The following VPS8 variants were observed in gnomAD, a reference collection of about 807,000 sequenced individuals.
VPS8 encodes vacuolar protein sorting-associated protein 8 homolog.
In VPS8, 129 loss-of-function variants were observed where a neutral mutation model predicts 216.4. The ratio of observed to expected loss-of-function variants is 0.60; its 90% CI spans 0.52 to 0.69. The LOEUF (loss-of-function observed/expected upper bound fraction) is 0.69. Among genes scored for constraint, VPS8 ranks in the 30% least tolerant of loss-of-function variants. The pLI is 0.00. For missense variants in VPS8, 1,531 were observed against 1,683.5 expected (o/e 0.91, Z 1.59); for synonymous variants, 571 against 565.4 (o/e 1.01, Z -0.14).
intron 24 of VPS8, among the ~76,000 whole-genome samples, chr3:184,900,270 G>T (rs983284393): frequency 6.6e-6 from 1 of 152,168 alleles, no homozygotes; most frequent in South Asian, 2.1e-4. Flanking sequence ...ATTCACATAC[G>T]TGCAGGAACA....
intron 21 of VPS8, among the ~76,000 whole-genome samples, chr3:184,872,702 A>T (rs1026521729): frequency 6.6e-6 from 1 of 152,124 alleles, no homozygotes; most frequent in Non-Finnish European, 1.5e-5. Flanking sequence ...TGAGAGAAAA[A>T]TTATCACTTT....
chr3:184,849,342 G>C, intron 9 of VPS8, 147 bp downstream of exon 9: 1 of 976,746 alleles, frequency 1.0e-6, no homozygotes, highest in African/African-American at 1.7e-5. Flanking sequence ...TCTGAGTTTT[G>C]TCTTGTTCAA....
intron 36 of VPS8, among the ~76,000 whole-genome samples, chr3:184,945,151 CTCTT>C (rs1231876926): frequency 2.0e-5 from 3 of 151,704 alleles, no homozygotes; most frequent in Non-Finnish European, 4.4e-5. Flanking sequence ...GCTCCTCTCT[CTCTT>C]TCTCTCTCTC....
intron 31 of VPS8, among the ~76,000 whole-genome samples, chr3:184,927,928 G>A (rs1185716120): frequency 2.6e-5 from 4 of 152,160 alleles, no homozygotes; most frequent in African/African-American, 7.2e-5. Context: ...ACAGTATTCC[G>A]TTGTATGCAT....
At chr3:184,894,566 CTG>C (rs1733028863) in intron 22 of VPS8, 135 bp from the exon 23 acceptor site, 4 of 571,270 alleles carry the variant, frequency 7.0e-6, no homozygotes, top group South Asian at 6.4e-5. Flanking sequence ...GTATAAAACT[CTG>C]TGAATATTAT....
At chr3:185,038,836 T>A (rs9813762) in intron 46 of VPS8, among the ~76,000 whole-genome samples, 13,543 of 152,170 alleles carry the variant, frequency 0.089, 640 homozygotes, top group African/African-American at 0.096. Context: ...CCCCCTGGAC[T>A]GCCTCTCCTG....
intron 36 of VPS8, among the ~76,000 whole-genome samples, chr3:184,953,491 G>A (rs11713588): frequency 0.22 from 33,678 of 152,032 alleles, 4,768 homozygotes; most frequent in East Asian, 0.63. Context: ...GCTTGTGGGC[G>A]TGACTCTCTT....
At position 184,866,962 on chromosome 3, in the gene VPS8, T is replaced by C. The variant is rs753177257; in HGVS notation, c.1470+12T>C. 6.2e-7 allele frequency: 1 copy of C among 1,611,586 alleles called. No individual in the cohort carries two copies. On this transcript the variant is annotated intron_variant, in intron 17 of 47. Coordinates refer to ENST00000625842, the MANE Select transcript of VPS8 (RefSeq NM_001009921.3). ...ATTTGGGGACAAAAGTAAGCTCTTT[T>C]ACTCTGTGAGTTGGTATTTGTATGT...
intron 46 of VPS8, among the ~76,000 whole-genome samples, chr3:185,031,513 A>T (rs991318612): frequency 2.0e-5 from 3 of 152,226 alleles, no homozygotes; most frequent in Admixed American, 6.5e-5. Context: ...AAACCTCAGC[A>T]AGACAGATGC....
chr3:185,037,688 T>G (rs1467791955), intron 46 of VPS8, among the ~76,000 whole-genome samples: 1 of 152,184 alleles, frequency 6.6e-6, no homozygotes, highest in Non-Finnish European at 1.5e-5. Context: ...TTGCATGATC[T>G]CTATTGAACT....
chr3:184,947,567 CA>C (rs201418353), intron 36 of VPS8, among the ~76,000 whole-genome samples: 2 of 149,086 alleles, frequency 1.3e-5, no homozygotes, highest in East Asian at 3.9e-4. Context: ...TTTTTTAAAT[CA>C]AAATCAACTC....
chr3:185,019,820 G>C (rs554766351), intron 45 of VPS8, among the ~76,000 whole-genome samples: 3 of 152,218 alleles, frequency 2.0e-5, no homozygotes, highest in African/African-American at 7.2e-5. Flanking sequence ...TCCTGGTATG[G>C]ACTAGTCTTT....
intron 28 of VPS8, among the ~76,000 whole-genome samples, chr3:184,916,456 A>G (rs926784764): frequency 2.6e-5 from 4 of 152,134 alleles, no homozygotes; most frequent in African/African-American, 9.7e-5. Context: ...ATAGTGATTA[A>G]CTCTGTGAGA....
At chr3:184,927,245 A>G (rs982548947) in intron 31 of VPS8, among the ~76,000 whole-genome samples, 1 of 152,182 alleles carries the variant, frequency 6.6e-6, no homozygotes, top group African/African-American at 2.4e-5. Flanking sequence ...GAGTCAACCC[A>G]TTTTGTATTG....
At chr3:184,884,688 C>G (rs540520988) in intron 21 of VPS8, among the ~76,000 whole-genome samples, 73 of 152,114 alleles carry the variant, frequency 4.8e-4, no homozygotes, top group Non-Finnish European at 9.0e-4. Flanking sequence ...TTAGGCAGGT[C>G]CTCTGCTTCA....
chr3:184,910,128 A>ATTTTTTTT (rs10707371), intron 25 of VPS8, among the ~76,000 whole-genome samples: 2 of 87,262 alleles, frequency 2.3e-5, no homozygotes, highest in Non-Finnish European at 2.3e-5. Flanking sequence ...AGATTCTCCT[A>ATTTTTTTT]TTTTTTTTTT....
chr3:184,861,340 A>G (rs1239804616), intron 15 of VPS8, among the ~76,000 whole-genome samples: 1 of 152,238 alleles, frequency 6.6e-6, no homozygotes, highest in Non-Finnish European at 1.5e-5. Flanking sequence ...TCTAATAAAA[A>G]GAATGAAAAA....
At chr3:184,934,932 T>G (rs1314389336) in intron 34 of VPS8, among the ~76,000 whole-genome samples, 1 of 152,222 alleles carries the variant, frequency 6.6e-6, no homozygotes, top group Admixed American at 6.5e-5. Flanking sequence ...GAATTATTTC[T>G]TCCTTAAATG....
At chr3:184,977,228 CAT>C (rs1749420573) in intron 40 of VPS8, among the ~76,000 whole-genome samples, 1 of 152,046 alleles carries the variant, frequency 6.6e-6, no homozygotes, top group Admixed American at 6.5e-5. Context: ...CATTTTTTTT[CAT>C]ATGTTTATTG....
Sources: gnomAD v4.1 joint callset for allele counts (sites outside exome capture counted in the v4.1 genomes callset) on GRCh38, gnomAD v4.1.1 for gene constraint, MANE v1.5 for transcripts, NCBI Gene and HGNC (gene_info 2026-07-23, HGNC 2026-07-21) for gene names.